NGEF: variants seen among roughly 807,000 people sequenced by gnomAD.
NGEF encodes neuronal guanine nucleotide exchange factor, also known as ephexin-1.
A neutral mutation model predicts 80.9 loss-of-function variants in NGEF; 31 were observed. The ratio of observed to expected loss-of-function variants is 0.38; its 90% CI spans 0.29 to 0.52. NGEF has a LOEUF of 0.52. Among genes scored for constraint, NGEF ranks in the 20% least tolerant of loss-of-function variants. The probability of loss-of-function intolerance (pLI) is 0.84; values close to 1 mark genes in which losing one functional copy is unlikely to be tolerated. For missense variants in NGEF, 709 were observed against 926.2 expected, an observed-to-expected ratio of 0.77 and a Z score of 3.04; for synonymous variants, 371 against 370.2, an observed-to-expected ratio of 1.00 and a Z score of -0.03.
chr2:232,953,288 C>T (rs1404299092), intron 3 of NGEF, among the ~76,000 whole-genome samples: 6 of 108,028 alleles, frequency 5.6e-5, no homozygotes, highest in Admixed American at 2.9e-4. Context: ...GGTTACAGAG[C>T]GAGACTCTGT....
At chr2:233,000,199 G>A (rs895259312) in intron 1 of NGEF, among the ~76,000 whole-genome samples, 1 of 152,144 alleles carries the variant, frequency 6.6e-6, no homozygotes, top group Non-Finnish European at 1.5e-5. Flanking sequence ...GGACTCAAGC[G>A]ATCTTCCCGC....
At chr2:232,972,779 TGGA>T (rs1694222007) in intron 2 of NGEF, among the ~76,000 whole-genome samples, 1 of 129,704 alleles carries the variant, frequency 7.7e-6, no homozygotes, top group Non-Finnish European at 1.6e-5. Context: ...TTTTTTGAGA[TGGA>T]GTCTTACTCT....
intron 4 of NGEF, 116 bp downstream of exon 4, chr2:232,926,928 G>A (rs905007702): frequency 1.5e-6 from 2 of 1,341,878 alleles, no homozygotes; most frequent in Admixed American, 3.8e-5. Context: ...CCTTACCCAT[G>A]TCAGACGCAG....
At chr2:232,975,160 C>T (rs182595133) in intron 1 of NGEF, among the ~76,000 whole-genome samples, 196 bp from the exon 2 acceptor site, 31 of 152,196 alleles carry the variant, frequency 2.0e-4, no homozygotes, top group Non-Finnish European at 3.8e-4. Flanking sequence ...TTATAATTGC[C>T]GTTTGTTTAC....
At chr2:232,950,327 T>C (rs1455436451) in intron 3 of NGEF, among the ~76,000 whole-genome samples, 1 of 152,228 alleles carries the variant, frequency 6.6e-6, no homozygotes, top group African/African-American at 2.4e-5. Context: ...GTTATTGGTA[T>C]GAGGATATGT....
chr2:232,884,343 C>T (rs1691607091), intron 10 of NGEF, among the ~76,000 whole-genome samples, 199 bp from the exon 11 acceptor site: 1 of 152,064 alleles, frequency 6.6e-6, no homozygotes, highest in Admixed American at 6.5e-5. Context: ...AACATGCACC[C>T]CTGTGGGCAT....
At chr2:232,889,595 A>G (rs1387739126) in intron 8 of NGEF, among the ~76,000 whole-genome samples, 1 of 152,206 alleles carries the variant, frequency 6.6e-6, no homozygotes, top group African/African-American at 2.4e-5. Context: ...TTCACTGCAT[A>G]ATTAGGAAAT....
chr2:232,976,124 C>G (rs552884576), intron 1 of NGEF, among the ~76,000 whole-genome samples: 2 of 152,134 alleles, frequency 1.3e-5, no homozygotes, highest in Non-Finnish European at 2.9e-5. Context: ...TCGCTTGAAT[C>G]TGGGAGGTGG....
chr2:232,997,326 G>A lies in NGEF; in HGVS notation c.-75+15742C>T, dbSNP rs779215191. Among the ~76,000 whole-genome samples the A allele has an allele frequency of 7.9e-5, 12 of 152,274 alleles. No homozygotes were observed. In the South Asian group the frequency reaches 2.1e-3, roughly 26 times the overall value. ...TCTGGAAAAGGAGCCTGCCCTTGTC[G>A]TTGTTGTTGCTTTTAGGAATCGCTA... On this transcript the variant is annotated intron_variant, in intron 1 of 14. Transcript: ENST00000264051.
Position 233,001,755 on chromosome 2 carries a change from T to C in NGEF, c.-75+11313A>G, listed in dbSNP as rs569966502. Among the ~76,000 whole-genome samples, 93 of 152,360 alleles carry C rather than the reference T, an allele frequency of 6.1e-4. 1 individual carries two copies. Among genetic ancestry groups the C allele is most frequent in the Admixed American group, 2.6e-4 (4 of 15,306 alleles). On this transcript the variant is annotated intron_variant, in intron 1 of 14. Transcript: ENST00000264051. ...TTAGCCAGGTGTGGTGGCGTGCGCC[T>C]GTAATCCCAGCTACTTTGGGAGGCC...
intron 1 of NGEF, among the ~76,000 whole-genome samples, chr2:233,004,914 T>G (rs1427119675): frequency 6.6e-6 from 1 of 152,112 alleles, no homozygotes; most frequent in East Asian, 1.9e-4. Context: ...TTTGCCACTG[T>G]GCAATATATC....
At chr2:232,912,683 C>A (rs897386769) in intron 5 of NGEF, among the ~76,000 whole-genome samples, 2 of 152,150 alleles carry the variant, frequency 1.3e-5, no homozygotes, top group Admixed American at 1.3e-4. Flanking sequence ...AGATTAATTT[C>A]TTTAACAGTC....
At chr2:232,890,702 G>A (rs892354864) in intron 8 of NGEF, among the ~76,000 whole-genome samples, 6 of 151,968 alleles carry the variant, frequency 3.9e-5, no homozygotes, top group Admixed American at 6.6e-5. Flanking sequence ...CATCCCTGCC[G>A]GGCCCCCACT....
At chr2:232,967,461 A>G (rs374225690) in intron 3 of NGEF, among the ~76,000 whole-genome samples, 2 of 151,884 alleles carry the variant, frequency 1.3e-5, no homozygotes, top group South Asian at 4.1e-4. Flanking sequence ...CAGCCTCCCA[A>G]GTAGCTGGGA....
intron 3 of NGEF, among the ~76,000 whole-genome samples, chr2:232,932,216 G>A (rs1228410493): frequency 7.1e-6 from 1 of 140,792 alleles, no homozygotes; most frequent in East Asian, 2.1e-4. Context: ...CCAGGCTGGA[G>A]TGCAGTGGCA....
At chr2:232,956,784 A>T (rs1454185087) in intron 3 of NGEF, among the ~76,000 whole-genome samples, 1 of 45,070 alleles carries the variant, frequency 2.2e-5, no homozygotes, top group African/African-American at 5.3e-5. Flanking sequence ...CTCCATCTAA[A>T]AAAAAAAAAA....
At chr2:232,928,252 G>A in intron 3 of NGEF, 1 of 835,822 alleles carries the variant, frequency 1.2e-6, no homozygotes, top group South Asian at 5.6e-5. Context: ...GCGGCGGCGG[G>A]GCGGGGGCGC....
In NGEF at chr2:232,891,451, C is replaced by T. The variant is rs1287057900; in HGVS notation, c.1179G>A (p.Gln393=). ...EKAAFRELIA[Q]LELDPKCRGL... ...CCCTGCACTTGGGGTCGAGCTCTAG[C>T]TGCGCGATCAGCTCCCGGAAAGCTG... The change falls in exon 8 of 15, where the codon CAG becomes CAA. Residue 393 remains glutamine (Q), a synonymous_variant. Transcript: ENST00000264051. 2.5e-6 allele frequency: 4 copies of T among 1,613,364 alleles called. No individual in the cohort carries two copies. Among genetic ancestry groups the T allele is most frequent in the Non-Finnish European group, 1.7e-6 (2 of 1,179,962 alleles).
In NGEF at chr2:233,013,202, G is replaced by A. The variant is rs925199951; in HGVS notation, c.-209C>T. ...CACAGGCGCTCCACTCTGTCCCAGAGAGCCCACAGCCAAAAACTTCGTCCT... is the reference window on the plus strand; with the variant it reads ...CACAGGCGCTCCACTCTGTCCCAGAAAGCCCACAGCCAAAAACTTCGTCCT... On this transcript the variant is annotated 5_prime_UTR_variant, in exon 1 of 15. Transcript: ENST00000264051. 1.7e-5 allele frequency: 8 copies of A among 471,178 alleles called. No individual in the cohort carries two copies. In the East Asian group the frequency reaches 4.2e-4, roughly 25 times the overall value. 29.2% of individuals were successfully genotyped at this position (471,178 alleles called of 1,614,324 possible).
Sources: gnomAD v4.1 joint callset for allele counts (sites outside exome capture counted in the v4.1 genomes callset) on GRCh38, gnomAD v4.1.1 for gene constraint, MANE v1.5 for transcripts, NCBI Gene and HGNC (gene_info 2026-07-23, HGNC 2026-07-21) for gene names.